Variants in TMPRSS15 observed in about 807,000 individuals in gnomAD.
TMPRSS15 encodes transmembrane serine protease 15, also known as enteropeptidase.
Under a neutral mutation model 125.3 loss-of-function variants are expected in TMPRSS15, and 128 were observed. The observed-to-expected ratio is 1.02, with a 90% CI of 0.89 to 1.18. The LOEUF is 1.18. Ranked by LOEUF, TMPRSS15 falls within the 50% of genes most tolerant of loss-of-function variation. The pLI is 0.00. For missense variants in TMPRSS15, 1,283 were observed against 1,212.7 expected (o/e 1.06, Z -0.86); for synonymous variants, 446 against 423.2 (o/e 1.05, Z -0.66).
intron 8 of TMPRSS15, among the ~76,000 whole-genome samples, chr21:18,357,230 AACTT>A (rs2075634105): frequency 6.6e-6 from 1 of 151,780 alleles, no homozygotes; most frequent in African/African-American, 2.4e-5. Context: ...TCATCATTGC[AACTT>A]AAAGAAAACA....
chr21:18,363,373 T>C (rs2075695663), intron 7 of TMPRSS15, among the ~76,000 whole-genome samples: 1 of 152,110 alleles, frequency 6.6e-6, no homozygotes, highest in African/African-American at 2.4e-5. Flanking sequence ...TTAATTAATA[T>C]AGGATAATTT....
chr21:18,482,003 C>T (rs1978989918), intron 1 of TMPRSS15, among the ~76,000 whole-genome samples: 2 of 151,544 alleles, frequency 1.3e-5, no homozygotes, highest in South Asian at 4.1e-4. Context: ...TTTTGTCTTA[C>T]AGTTCTTTCA....
chr21:18,471,943 A>G (rs1978788390), intron 1 of TMPRSS15, among the ~76,000 whole-genome samples: 1 of 152,132 alleles, frequency 6.6e-6, no homozygotes, highest in Non-Finnish European at 1.5e-5. Flanking sequence ...GAAGAGCAAG[A>G]GAGTGTGGAC....
At chr21:18,377,236 C>T (rs548826923) in intron 5 of TMPRSS15, among the ~76,000 whole-genome samples, 14 of 152,116 alleles carry the variant, frequency 9.2e-5, no homozygotes, top group East Asian at 7.7e-4. Context: ...TCTCTGATAA[C>T]GGAGAATGTT....
chr21:18,304,684 T>C (rs2075011004), intron 18 of TMPRSS15, among the ~76,000 whole-genome samples: 1 of 152,166 alleles, frequency 6.6e-6, no homozygotes, highest in South Asian at 2.1e-4. Context: ...ACATATAAAA[T>C]ATCATTTATG....
intron 1 of TMPRSS15, among the ~76,000 whole-genome samples, chr21:18,401,698 A>G (rs552240536): frequency 6.6e-6 from 1 of 152,288 alleles, no homozygotes; most frequent in South Asian, 2.1e-4. Flanking sequence ...ATACCCAGGT[A>G]ACAAGCCTGC....
intron 19 of TMPRSS15, among the ~76,000 whole-genome samples, chr21:18,295,662 T>C (rs570317410): frequency 2.6e-5 from 4 of 152,364 alleles, no homozygotes; most frequent in East Asian, 3.9e-4. Context: ...TGGCATATTC[T>C]TTACAACACA....
intron 22 of TMPRSS15, among the ~76,000 whole-genome samples, chr21:18,280,536 A>G (rs549993156): frequency 2.7e-5 from 4 of 148,410 alleles, no homozygotes; most frequent in Non-Finnish European, 5.9e-5. Flanking sequence ...AGACTGTGCC[A>G]CTGCACTCCA....
intron 1 of TMPRSS15, among the ~76,000 whole-genome samples, chr21:18,454,914 T>G (rs1013619326): frequency 6.6e-6 from 1 of 152,162 alleles, no homozygotes; most frequent in African/African-American, 2.4e-5. Flanking sequence ...CAAATTTAAC[T>G]ATCACAGTAT....
intron 1 of TMPRSS15, among the ~76,000 whole-genome samples, chr21:18,473,198 C>G (rs1248307255): frequency 6.6e-6 from 1 of 152,040 alleles, no homozygotes; most frequent in East Asian, 1.9e-4. Flanking sequence ...ACAAGTTTCT[C>G]CTTGCCTTTT....
intron 1 of TMPRSS15, among the ~76,000 whole-genome samples, chr21:18,414,606 A>AT (rs1335541240): frequency 6.6e-6 from 1 of 152,030 alleles, no homozygotes; most frequent in Non-Finnish European, 1.5e-5. Flanking sequence ...ATCATGAATT[A>AT]TTTTTTCCTG....
intron 1 of TMPRSS15, among the ~76,000 whole-genome samples, chr21:18,437,621 AT>A (rs1212225537): frequency 6.6e-6 from 1 of 152,148 alleles, no homozygotes; most frequent in Non-Finnish European, 1.5e-5. Flanking sequence ...ACTCAAACAA[AT>A]TTACAAGAAA....
chr21:18,452,847 C>T (rs950829261), intron 1 of TMPRSS15, among the ~76,000 whole-genome samples: 3 of 152,000 alleles, frequency 2.0e-5, no homozygotes, highest in South Asian at 2.1e-4. Flanking sequence ...TGAGTTTGGA[C>T]GAAGGTAAAT....
upstream of TMPRSS15, among the ~76,000 whole-genome samples, chr21:18,408,418 G>C (rs2123162386): frequency 6.6e-6 from 1 of 152,156 alleles, no homozygotes; most frequent in Non-Finnish European, 1.5e-5. Context: ...TATAAAATAA[G>C]AAAATATGTA....
At chr21:18,449,030 A>G (rs2076261738) in intron 1 of TMPRSS15, among the ~76,000 whole-genome samples, 1 of 152,176 alleles carries the variant, frequency 6.6e-6, no homozygotes, top group African/African-American at 2.4e-5. Context: ...AATAATGAAC[A>G]GATGTTCTAC....
chr21:18,270,255 T>C (rs185605365), intron 24 of TMPRSS15, 131 bp from the exon 25 acceptor site: 1 of 748,822 alleles, frequency 1.3e-6, no homozygotes, highest in Non-Finnish European at 2.1e-6. Context: ...AAGTCATCTG[T>C]ATATATTCTC....
At chr21:18,275,384 G>C (rs540692575) in intron 23 of TMPRSS15, 48 bp from the exon 24 acceptor site, 1 of 1,608,986 alleles carries the variant, frequency 6.2e-7, no homozygotes, top group East Asian at 2.2e-5. Context: ...TGATCAACAT[G>C]CATCCTTGAA....
At chr21:18,451,829 G>C (rs577800357) in intron 1 of TMPRSS15, among the ~76,000 whole-genome samples, 8 of 152,158 alleles carry the variant, frequency 5.3e-5, no homozygotes, top group African/African-American at 1.9e-4. Flanking sequence ...AGTGAGTTTA[G>C]AGCCAAAGAT....
chr21:18,433,922 A>G (rs1601461189), intron 1 of TMPRSS15, among the ~76,000 whole-genome samples: 1 of 152,104 alleles, frequency 6.6e-6, no homozygotes, highest in South Asian at 2.1e-4. Flanking sequence ...GTTTGTTTTT[A>G]AAAAAATAAA....
Sources: gnomAD v4.1 joint callset for allele counts (sites outside exome capture counted in the v4.1 genomes callset) on GRCh38, gnomAD v4.1.1 for gene constraint, MANE v1.5 for transcripts, NCBI Gene and HGNC (gene_info 2026-07-23, HGNC 2026-07-21) for gene names.